The following MIA2 variants were observed in gnomAD, a reference collection of about 807,000 sequenced individuals.
MIA2 encodes the protein MIA SH3 domain ER export factor 2.
MIA2 carries 127 observed loss-of-function variants against 167.8 expected under a neutral mutation model. That is an observed-to-expected ratio of 0.76 (90% confidence interval 0.66 to 0.88). The LOEUF (loss-of-function observed/expected upper bound fraction) is 0.88. Among genes scored for constraint, MIA2 ranks in the 40% least tolerant of loss-of-function variants. The probability of loss-of-function intolerance (pLI) is 0.00; values close to 1 mark genes in which losing one functional copy is unlikely to be tolerated. For missense variants in MIA2, 1,690 were observed against 1,624.7 expected (o/e 1.04, Z -0.69); for synonymous variants, 552 against 541.9 (o/e 1.02, Z -0.26).
At chr14:39,281,132 C>T (rs973944072) in intron 9 of MIA2, among the ~76,000 whole-genome samples, 1 of 151,886 alleles carries the variant, frequency 6.6e-6, no homozygotes, top group African/African-American at 2.4e-5. Context: ...GCCATGTTGT[C>T]CAGGCTGGTC....
At chr14:39,310,255 A>G (rs533252205) in intron 18 of MIA2, among the ~76,000 whole-genome samples, 2 of 152,270 alleles carry the variant, frequency 1.3e-5, no homozygotes, top group East Asian at 3.9e-4. Flanking sequence ...TCCTTTTTAC[A>G]GTATATTTAG....
intron 9 of MIA2, among the ~76,000 whole-genome samples, chr14:39,289,771 C>T (rs2060476092): frequency 6.6e-6 from 1 of 152,184 alleles, no homozygotes; most frequent in Non-Finnish European, 1.5e-5. Context: ...ACATGAGCTA[C>T]CATGCCCAGC....
At chr14:39,376,226 T>G (rs1163923577) in intron 23 of MIA2, among the ~76,000 whole-genome samples, 1 of 152,222 alleles carries the variant, frequency 6.6e-6, no homozygotes, top group East Asian at 1.9e-4. Context: ...AGTGCTGGGA[T>G]TACAGGAGTG....
chr14:39,314,610 G>GTTTT (rs55732496), intron 19 of MIA2, 129 bp from the exon 20 acceptor site: 9,629 of 189,710 alleles, frequency 0.051, 739 homozygotes, highest in Non-Finnish European at 0.067. Context: ...GAGTTCTGGA[G>GTTTT]TTTTTTTTTT....
At chr14:39,283,657 A>C (rs1448518939) in intron 9 of MIA2, among the ~76,000 whole-genome samples, 1 of 152,142 alleles carries the variant, frequency 6.6e-6, no homozygotes, top group African/African-American at 2.4e-5. Flanking sequence ...CACCTTCACA[A>C]ATACTTGTCA....
chr14:39,378,220 A>G (rs1441387110), intron 23 of MIA2, among the ~76,000 whole-genome samples: 2 of 152,234 alleles, frequency 1.3e-5, no homozygotes, highest in African/African-American at 2.4e-5. Flanking sequence ...CTAAAAGAAG[A>G]AAAAGTTTTC....
intron 9 of MIA2, among the ~76,000 whole-genome samples, chr14:39,283,811 A>G (rs1455695761): frequency 6.6e-6 from 1 of 152,188 alleles, no homozygotes; most frequent in Non-Finnish European, 1.5e-5. Flanking sequence ...ATCTTCAGAG[A>G]AATATCTATT....
intron 23 of MIA2, 66 bp downstream of exon 23, chr14:39,319,357 A>G (rs183724531): frequency 9.3e-6 from 7 of 750,022 alleles, no homozygotes; most frequent in Non-Finnish European, 1.2e-5. Flanking sequence ...TATTGCACAT[A>G]TAGTTTCTAT....
At chr14:39,241,299 T>G (rs1219992341) in intron 3 of MIA2, among the ~76,000 whole-genome samples, 2 of 152,188 alleles carry the variant, frequency 1.3e-5, no homozygotes, top group Non-Finnish European at 2.9e-5. Flanking sequence ...TTACCTTAAA[T>G]AAGGTCAGCG....
intron 23 of MIA2, among the ~76,000 whole-genome samples, chr14:39,359,258 C>T (rs1247567788): frequency 6.6e-6 from 1 of 152,192 alleles, no homozygotes; most frequent in Non-Finnish European, 1.5e-5. Flanking sequence ...ATGGCGGGCA[C>T]CCCTCCCCCA....
At chr14:39,320,022 G>T (rs1031494571) in intron 23 of MIA2, among the ~76,000 whole-genome samples, 1 of 151,992 alleles carries the variant, frequency 6.6e-6, no homozygotes, top group Non-Finnish European at 1.5e-5. Context: ...ATGAAAGTCT[G>T]TTTCTACATT....
At chr14:39,284,216 GA>G (rs936381047) in intron 9 of MIA2, among the ~76,000 whole-genome samples, 1 of 152,006 alleles carries the variant, frequency 6.6e-6, no homozygotes, top group African/African-American at 2.4e-5. Context: ...TATCCACTTT[GA>G]GTTGATTTCT....
intron 6 of MIA2, among the ~76,000 whole-genome samples, chr14:39,263,433 T>C (rs2055230620): frequency 6.6e-6 from 1 of 151,408 alleles, no homozygotes; most frequent in Non-Finnish European, 1.5e-5. Flanking sequence ...GAGAGCTCAC[T>C]ATCTTGCCCA....
intron 25 of MIA2, among the ~76,000 whole-genome samples, chr14:39,334,292 T>A (rs550552716): frequency 2.0e-5 from 3 of 152,158 alleles, no homozygotes; most frequent in Non-Finnish European, 4.4e-5. Context: ...CTGGCTAACA[T>A]GGCAAAACCC....
chr14:39,246,053 T>C (rs1168622097), intron 3 of MIA2, among the ~76,000 whole-genome samples: 1 of 151,752 alleles, frequency 6.6e-6, no homozygotes. Context: ...TGCCTCTGCT[T>C]CTCAAACATT....
At chr14:39,279,607 C>A in intron 9 of MIA2, 70 bp downstream of exon 9, 1 of 990,130 alleles carries the variant, frequency 1.0e-6, no homozygotes, top group Non-Finnish European at 1.5e-6. Context: ...GTAGGTACTT[C>A]TGTGTAAATT....
intron 24 of MIA2, among the ~76,000 whole-genome samples, chr14:39,324,675 C>T (rs898516501): frequency 6.6e-5 from 10 of 151,394 alleles, no homozygotes; most frequent in Admixed American, 3.9e-4. Flanking sequence ...GGCACGATCT[C>T]GGTTCACTGC....
At chr14:39,329,324 G>C (rs2068268901) in intron 25 of MIA2, among the ~76,000 whole-genome samples, 1 of 152,202 alleles carries the variant, frequency 6.6e-6, no homozygotes, top group South Asian at 2.1e-4. Flanking sequence ...CTGAGACTTT[G>C]CTGAAGTTGC....
chr14:39,330,739 A>G (rs1171619262), intron 25 of MIA2, among the ~76,000 whole-genome samples: 1 of 152,244 alleles, frequency 6.6e-6, no homozygotes, highest in East Asian at 1.9e-4. Flanking sequence ...GTCATTCAGG[A>G]GCAGGTTGTT....
Sources: gnomAD v4.1 joint callset for allele counts (sites outside exome capture counted in the v4.1 genomes callset) on GRCh38, gnomAD v4.1.1 for gene constraint, MANE v1.5 for transcripts, NCBI Gene and HGNC (gene_info 2026-07-23, HGNC 2026-07-21) for gene names.